The following CDH18 variants were observed in gnomAD, a reference collection of about 807,000 sequenced individuals.
CDH18 encodes cadherin 18, also known as cadherin-18.
A neutral mutation model predicts 67.9 loss-of-function variants in CDH18; 31 were observed. The ratio of observed to expected loss-of-function variants is 0.46; its 90% confidence interval spans 0.34 to 0.62. The LOEUF is 0.62. Ranked by LOEUF, CDH18 falls within the 20% of genes least tolerant of loss-of-function variation. The pLI, the probability that CDH18 is intolerant of heterozygous loss-of-function variation, is 0.01. For synonymous variants in CDH18, 362 were observed against 347.2 expected, an observed-to-expected ratio of 1.04 and a Z score of -0.48; for missense variants, 890 against 975.5, an observed-to-expected ratio of 0.91 and a Z score of 1.17.
intron 1 of CDH18, among the ~76,000 whole-genome samples, chr5:20,403,369 G>C (rs1434827827): frequency 2.0e-5 from 3 of 152,092 alleles, no homozygotes; most frequent in African/African-American, 7.2e-5. Context: ...GTGTACAAAT[G>C]ATCCTGTCAC....
chr5:19,944,397 T>A, intron 2 of CDH18, among the ~76,000 whole-genome samples: 1 of 152,146 alleles, frequency 6.6e-6, no homozygotes, highest in Admixed American at 6.6e-5. Context: ...CTAAAGTGTG[T>A]ATATAATTTA....
chr5:20,150,763 A>G, intron 2 of CDH18, among the ~76,000 whole-genome samples: 1 of 152,074 alleles, frequency 6.6e-6, no homozygotes, highest in East Asian at 1.9e-4. Context: ...ACTCTTAACT[A>G]CAAGATTATA....
intron 2 of CDH18, among the ~76,000 whole-genome samples, chr5:20,017,424 T>C (rs1328863742): frequency 6.6e-6 from 1 of 152,212 alleles, no homozygotes; most frequent in Non-Finnish European, 1.5e-5. Context: ...ATATGAGTAG[T>C]ATTGGGCTAA....
At chr5:19,851,048 C>T (rs990818378) in intron 2 of CDH18, among the ~76,000 whole-genome samples, 3 of 151,744 alleles carry the variant, frequency 2.0e-5, no homozygotes, top group Admixed American at 1.3e-4. Flanking sequence ...TAAGGTATAA[C>T]TTTGTTGAAT....
intron 3 of CDH18, among the ~76,000 whole-genome samples, chr5:19,750,139 G>A (rs1015735816): frequency 7.9e-5 from 12 of 152,054 alleles, no homozygotes; most frequent in East Asian, 7.8e-4. Flanking sequence ...TAACACTAAC[G>A]GGAAACCATT....
At chr5:20,090,629 T>C (rs998393755) in intron 2 of CDH18, among the ~76,000 whole-genome samples, 3 of 152,134 alleles carry the variant, frequency 2.0e-5, no homozygotes, top group African/African-American at 4.8e-5. Flanking sequence ...AAATATGTAA[T>C]TGAAATTGTT....
intron 1 of CDH18, among the ~76,000 whole-genome samples, chr5:20,442,920 T>C (rs1461950380): frequency 6.6e-6 from 1 of 151,710 alleles, no homozygotes; most frequent in African/African-American, 2.4e-5. Context: ...AATACAAAAG[T>C]ATATCTTGGC....
At chr5:19,766,713 C>A (rs1014468577) in intron 3 of CDH18, among the ~76,000 whole-genome samples, 1 of 152,156 alleles carries the variant, frequency 6.6e-6, no homozygotes, top group Admixed American at 6.6e-5. Flanking sequence ...ACTGTATAAT[C>A]TGGCTTTAAA....
At chr5:19,558,540 C>G (rs1738865691) in intron 8 of CDH18, among the ~76,000 whole-genome samples, 1 of 151,670 alleles carries the variant, frequency 6.6e-6, no homozygotes, top group Admixed American at 6.6e-5. Flanking sequence ...AATAGAAAAC[C>G]AAGAGTAGAT....
chr5:20,453,412 T>C (rs4597971), intron 1 of CDH18, among the ~76,000 whole-genome samples: 45,464 of 152,002 alleles, frequency 0.3, 7,179 homozygotes, highest in East Asian at 0.39. Context: ...TACAAGTCCA[T>C]GAAAGTCATT....
rs544741306 is a variant in CDH18, at chr5:19,541,100, C to T, written c.1390+2769G>A. 2.0e-5 allele frequency among the ~76,000 whole-genome samples: 3 copies of T among 152,208 alleles called. No individual in the cohort carries two copies. In the East Asian group the frequency reaches 5.8e-4, roughly 29 times the overall value. On this transcript the variant is annotated intron_variant, in intron 9 of 12. Transcript: ENST00000382275. ...ATCATCTCTCTCCAGTTCAAAGTTC[C>T]ACAGATCTCTAGGGCAGGGGCAAAA... is the stretch of plus-strand genomic sequence containing the variant.
chr5:20,298,166 A>AG lies in CDH18; in HGVS notation c.-579-42662dup, dbSNP rs542846075. Among the ~76,000 whole-genome samples the AG allele has an allele frequency of 3.3e-4, 50 of 152,300 alleles. No individual in the cohort carries two copies. The South Asian group carries it at 9.7e-3, about 30-fold the overall frequency. ...AAGACCTTTCTTTAACTTTTTGCAT[A>AG]GGGAAAAAAAAGCAAACTATCTATC... is the stretch of plus-strand genomic sequence containing the variant. On this transcript the variant is annotated intron_variant, in intron 1 of 14. Transcript: ENST00000507958.
intron 2 of CDH18, among the ~76,000 whole-genome samples, chr5:20,003,903 C>T (rs1343395643): frequency 6.6e-6 from 1 of 151,790 alleles, no homozygotes; most frequent in South Asian, 2.1e-4. Flanking sequence ...TCTCAAAAAA[C>T]AAACAAACAA....
chr5:20,442,218 G>A (rs954164520), intron 1 of CDH18, among the ~76,000 whole-genome samples: 7 of 151,810 alleles, frequency 4.6e-5, no homozygotes, highest in East Asian at 1.9e-4. Flanking sequence ...GCATCCTGGA[G>A]GGCAGTCTCA....
chr5:20,121,483 A>T (rs997876076), intron 2 of CDH18, among the ~76,000 whole-genome samples: 9 of 152,150 alleles, frequency 5.9e-5, no homozygotes, highest in African/African-American at 1.7e-4. Context: ...TGTACAGTAG[A>T]TATTTACCAC....
intron 1 of CDH18, among the ~76,000 whole-genome samples, chr5:20,525,687 C>T (rs1180416289): frequency 1.3e-5 from 2 of 152,058 alleles, no homozygotes; most frequent in African/African-American, 4.8e-5. Context: ...AACTAATCTG[C>T]AAGTGAGTTT....
chr5:19,902,820 T>C (rs1266866094), intron 2 of CDH18, among the ~76,000 whole-genome samples: 1 of 152,202 alleles, frequency 6.6e-6, no homozygotes, highest in Non-Finnish European at 1.5e-5. Flanking sequence ...TTTCCCACTC[T>C]CTAAAGTGGG....
chr5:19,973,195 A>G (rs1040948801), intron 2 of CDH18, among the ~76,000 whole-genome samples: 12 of 152,158 alleles, frequency 7.9e-5, no homozygotes, highest in Admixed American at 4.6e-4. Context: ...ATATTTTTCA[A>G]TGGAAAAATA....
At chr5:19,571,145 T>C (rs1312840821) in intron 8 of CDH18, among the ~76,000 whole-genome samples, 5 of 152,198 alleles carry the variant, frequency 3.3e-5, no homozygotes, top group Non-Finnish European at 5.9e-5. Flanking sequence ...CACTTTTACA[T>C]ATAAAGAGAA....
Sources: allele counts gnomAD v4.1 joint callset (sites outside exome capture counted in the v4.1 genomes callset), GRCh38; gene constraint gnomAD v4.1.1; transcripts MANE v1.5; gene names NCBI Gene and HGNC (gene_info 2026-07-23, HGNC 2026-07-21).